The following SORCS1 variants were observed in gnomAD, a reference collection of about 807,000 sequenced individuals.
SORCS1 encodes VPS10 domain-containing receptor SorCS1.
Under a neutral mutation model 146.1 loss-of-function variants are expected in SORCS1, and 60 were observed. The observed-to-expected ratio is 0.41, with a 90% CI of 0.33 to 0.51. The LOEUF (loss-of-function observed/expected upper bound fraction) is 0.51, where lower values mean the gene tolerates loss of function less well. Ranked by LOEUF, SORCS1 falls within the 20% of genes least tolerant of loss-of-function variation. The pLI is 0.21. For synonymous variants in SORCS1, 637 were observed against 584.0 expected (o/e 1.09, Z -1.31); for missense variants, 1,352 against 1,487.6 (o/e 0.91, Z 1.50).
chr10:106,682,276 A>T (rs994681272), intron 10 of SORCS1, among the ~76,000 whole-genome samples: 9 of 152,216 alleles, frequency 5.9e-5, no homozygotes, highest in Middle Eastern at 3.2e-3. Flanking sequence ...CATTAATCTG[A>T]GGAAAAAAGA....
At chr10:106,970,448 C>T (rs1955726189) in intron 1 of SORCS1, among the ~76,000 whole-genome samples, 1 of 148,570 alleles carries the variant, frequency 6.7e-6, no homozygotes, top group Non-Finnish European at 1.5e-5. Context: ...AAGCGATTCT[C>T]CTGCCTCAGC....
chr10:107,158,055 C>T (rs985273939), intron 1 of SORCS1, among the ~76,000 whole-genome samples: 4 of 152,194 alleles, frequency 2.6e-5, no homozygotes, highest in South Asian at 2.1e-4. Flanking sequence ...ATCCTCAAGG[C>T]AGCCTGAACA....
At chr10:106,653,760 A>G (rs1278208856) in intron 17 of SORCS1, among the ~76,000 whole-genome samples, 1 of 152,244 alleles carries the variant, frequency 6.6e-6, no homozygotes, top group African/African-American at 2.4e-5. Flanking sequence ...CATATGTTAA[A>G]TGTAAGAATT....
intron 4 of SORCS1, among the ~76,000 whole-genome samples, chr10:106,767,326 G>A (rs1859646474): frequency 6.6e-6 from 1 of 152,104 alleles, no homozygotes; most frequent in Non-Finnish European, 1.5e-5. Flanking sequence ...GTACTCTGAA[G>A]CTTGGAAGAT....
Position 106,829,714 on chromosome 10 carries a change from G to A in SORCS1, c.627-41C>T, listed in dbSNP as rs768637658. 12 of 1,493,618 alleles carry A rather than the reference G, an allele frequency of 8.0e-6. No homozygotes were observed. In the Admixed American group the frequency reaches 2.0e-4, roughly 25 times the overall value. The allele number at this position is 1,493,618 out of a possible 1,614,324, so 92.5% of individuals were successfully genotyped here. On this transcript the variant is annotated intron_variant, in intron 2 of 25. Transcript: ENST00000263054. Reference sequence around the variant, plus strand: ...AGCATTAATGAGGACAGAAGTATATGTCATTTGGCTGCTTGTCAGTATAAT... The same window carrying A: ...AGCATTAATGAGGACAGAAGTATATATCATTTGGCTGCTTGTCAGTATAAT...
At chr10:106,665,845 T>C (rs1451767389) in intron 17 of SORCS1, among the ~76,000 whole-genome samples, 1 of 152,046 alleles carries the variant, frequency 6.6e-6, no homozygotes, top group East Asian at 1.9e-4. Flanking sequence ...TTTTTGTTTG[T>C]TTGTTTGTTT....
intron 14 of SORCS1, 73 bp downstream of exon 14, chr10:106,674,976 G>C (rs1184258990): frequency 1.2e-5 from 14 of 1,204,990 alleles, no homozygotes; most frequent in Non-Finnish European, 1.7e-5. Flanking sequence ...AATCAAACAG[G>C]CTTAGCTATA....
chr10:106,620,274 T>A, intron 20 of SORCS1, 154 bp downstream of exon 20: 1 of 838,578 alleles, frequency 1.2e-6, no homozygotes. Flanking sequence ...GAGAACATAA[T>A]GATGAGATAC....
At chr10:106,636,319 C>T (rs182302672) in intron 18 of SORCS1, among the ~76,000 whole-genome samples, 77 of 152,168 alleles carry the variant, frequency 5.1e-4, no homozygotes, top group Middle Eastern at 3.4e-3. Context: ...CCTGGGTGGT[C>T]ACTAAGGGAG....
At chr10:106,797,530 T>C (rs1434513797) in intron 3 of SORCS1, among the ~76,000 whole-genome samples, 1 of 152,022 alleles carries the variant, frequency 6.6e-6, no homozygotes, top group Non-Finnish European at 1.5e-5. Flanking sequence ...CTTTTTTTTT[T>C]AGCAGTGCCA....
chr10:107,112,103 C>T lies in SORCS1; in HGVS notation c.558+51866G>A, dbSNP rs150567688. Among the ~76,000 whole-genome samples, 876 of 151,866 alleles carry T rather than the reference C, an allele frequency of 5.8e-3. 9 individuals carry two copies. Among genetic ancestry groups the T allele is most frequent in the South Asian group, 0.031 (147 of 4,804 alleles). On this transcript the variant is annotated intron_variant, in intron 1 of 25. Coordinates refer to ENST00000263054, the MANE Select transcript of SORCS1 (RefSeq NM_052918.5). ...AGTATGTAGTCAAATTCGGAATATC[C>T]TAATATTATAATGGTGGCTTGCAAA... is the stretch of plus-strand genomic sequence containing the variant.
intron 1 of SORCS1, among the ~76,000 whole-genome samples, chr10:106,965,982 G>A (rs186681496): frequency 4.5e-4 from 68 of 152,184 alleles, no homozygotes; most frequent in African/African-American, 4.3e-4. Context: ...TAATTATTAC[G>A]TTTTTTAAAG....
intron 5 of SORCS1, among the ~76,000 whole-genome samples, chr10:106,760,791 T>C (rs1859047812): frequency 6.6e-6 from 1 of 151,632 alleles, no homozygotes; most frequent in South Asian, 2.1e-4. Context: ...AAACTAGCAA[T>C]AGCAACTGTG....
intron 1 of SORCS1, among the ~76,000 whole-genome samples, chr10:107,139,455 C>G (rs145991429): frequency 2.1e-3 from 320 of 152,224 alleles, no homozygotes; most frequent in African/African-American, 7.3e-3. Context: ...GTCCTGCAAT[C>G]AATTGGTGAC....
At chr10:106,706,485 G>C (rs1054500776) in intron 8 of SORCS1, 60 bp downstream of exon 8, 2 of 1,507,522 alleles carry the variant, frequency 1.3e-6, no homozygotes, top group Non-Finnish European at 9.2e-7. Context: ...GAAAGGGATG[G>C]AGGCTGGCTT....
intron 2 of SORCS1, among the ~76,000 whole-genome samples, chr10:106,889,736 A>G (rs1951149645): frequency 6.6e-6 from 1 of 152,016 alleles, no homozygotes; most frequent in Non-Finnish European, 1.5e-5. Context: ...TGTCTCTACT[A>G]AAAGTACAAA....
At chr10:106,826,736 C>T (rs890970931) in intron 3 of SORCS1, among the ~76,000 whole-genome samples, 2 of 152,146 alleles carry the variant, frequency 1.3e-5, no homozygotes, top group African/African-American at 4.8e-5. Flanking sequence ...CAGAAAGTGA[C>T]CATGAAGGCC....
chr10:106,880,827 G>A lies in SORCS1; in HGVS notation c.627-51154C>T, dbSNP rs186332325. On this transcript the variant is annotated intron_variant, in intron 2 of 25. Transcript: ENST00000263054. ...GAATAAGCCGGGCACGGTGGCTCAC[G>A]CCTGTAATCCCAGCACTTTGGGAGG... is the stretch of plus-strand genomic sequence containing the variant. Among the ~76,000 whole-genome samples, 647 of 152,106 alleles carry A rather than the reference G, an allele frequency of 4.3e-3. 7 individuals are homozygous for A. The highest frequency in any genetic ancestry group is 0.015 in the African/African-American group (610 of 41,504).
intron 19 of SORCS1, among the ~76,000 whole-genome samples, chr10:106,620,945 T>C (rs1226122253): frequency 6.6e-6 from 1 of 152,170 alleles, no homozygotes; most frequent in Admixed American, 6.5e-5. Flanking sequence ...ATAGAATCCA[T>C]ATTGATGAAG....
Sources: allele counts gnomAD v4.1 joint callset (sites outside exome capture counted in the v4.1 genomes callset), GRCh38; gene constraint gnomAD v4.1.1; transcripts MANE v1.5; gene names NCBI Gene and HGNC (gene_info 2026-07-23, HGNC 2026-07-21).